Variants in MOBP observed in about 807,000 individuals in gnomAD.
The protein encoded by MOBP is myelin associated oligodendrocyte basic protein.
Under a neutral mutation model 15.0 loss-of-function variants are expected in MOBP, and 5 were observed. The ratio of observed to expected loss-of-function variants is 0.33; its 90% CI spans 0.17 to 0.70. The LOEUF is 0.70. MOBP is among the 30% of genes least tolerant of loss of function. MOBP has a pLI of 0.67. For synonymous variants in MOBP, 88 were observed against 99.0 expected (o/e 0.89, Z 0.66); for missense variants, 188 against 257.8 (o/e 0.73, Z 1.85).
intron 3 of MOBP, among the ~76,000 whole-genome samples, chr3:39,521,982 G>T (rs1187455797): frequency 6.6e-6 from 1 of 152,222 alleles, no homozygotes. Context: ...GGAGGAGGGT[G>T]GGTCTGGACT....
chr3:39,474,248 C>G lies in MOBP; in HGVS notation c.-88-5792C>G, dbSNP rs545259534. Among the ~76,000 whole-genome samples, 6 of 152,278 alleles carry G rather than the reference C, an allele frequency of 3.9e-5. No homozygotes were observed. The South Asian group carries it at 8.3e-4, about 21-fold the overall frequency. On this transcript the variant is annotated intron_variant, in intron 1 of 3. Coordinates refer to ENST00000684792, the MANE Select transcript of MOBP (RefSeq NM_001393704.1). ...TTAAATGAAACACTGACTCAAATTA[C>G]TCAAATTCCAATCACTGGCTCTTGA...
intron 2 of MOBP, among the ~76,000 whole-genome samples, chr3:39,487,575 G>T (rs1375933562): frequency 2.1e-5 from 3 of 143,186 alleles, no homozygotes; most frequent in African/African-American, 7.7e-5. Flanking sequence ...CCAGGCTGGA[G>T]TGCAGTGGTG....
intron 2 of MOBP, among the ~76,000 whole-genome samples, chr3:39,491,933 A>T (rs1449579601): frequency 6.6e-6 from 1 of 152,180 alleles, no homozygotes; most frequent in African/African-American, 2.4e-5. Flanking sequence ...TATGAGGGGC[A>T]GTGACACACT....
downstream of MOBP, among the ~76,000 whole-genome samples, chr3:39,503,637 T>C (rs1212536440): frequency 2.2e-5 from 3 of 137,142 alleles, no homozygotes; most frequent in Non-Finnish European, 4.8e-5. Flanking sequence ...CTTGCCCCAA[T>C]ACACACATGC....
chr3:39,502,974 T>G lies in MOBP; in HGVS notation c.*94T>G. Reference sequence around the variant, plus strand: ...GCTGTCTCCATGGCCCTCTTCAGCCTTATTACCCAACCTGTGTAATCAGCT... The same window carrying G: ...GCTGTCTCCATGGCCCTCTTCAGCCGTATTACCCAACCTGTGTAATCAGCT... On this transcript the variant is annotated 3_prime_UTR_variant, in exon 4 of 4. Coordinates refer to ENST00000684792, the MANE Select transcript of MOBP (RefSeq NM_001393704.1). The surrounding 1 kb of genome is among the most constrained non-coding windows in gnomAD (Gnocchi z 6.3). 1 of 629,166 alleles carries G rather than the reference T, an allele frequency of 1.6e-6. No individual in the cohort carries two copies. Among genetic ancestry groups the G allele is most frequent in the Non-Finnish European group, 2.7e-6 (1 of 365,706 alleles). The allele number at this position is 629,166 out of a possible 1,614,324, so 39.0% of individuals were successfully genotyped here. A position where few individuals can be genotyped will look rare whatever the true frequency, so the allele number is the denominator to read the frequency against.
At chr3:39,504,638 G>A (rs1209964702), downstream of MOBP, among the ~76,000 whole-genome samples, 1 of 152,236 alleles carries the variant, frequency 6.6e-6, no homozygotes, top group African/African-American at 2.4e-5. Context: ...CTTATGCACT[G>A]TCTTGAGTCC....
At chr3:39,512,839 A>G (rs2125668800) in intron 4 of MOBP, among the ~76,000 whole-genome samples, 1 of 152,306 alleles carries the variant, frequency 6.6e-6, no homozygotes, top group Admixed American at 6.5e-5. Context: ...ATCACACAAC[A>G]TTTCAGTTGG....
At chr3:39,518,743 A>G (rs951468481), downstream of MOBP, among the ~76,000 whole-genome samples, 1 of 152,232 alleles carries the variant, frequency 6.6e-6, no homozygotes, top group Non-Finnish European at 1.5e-5. Flanking sequence ...GTGGGACTCA[A>G]TAGACATTCT....
chr3:39,469,368 T>C (rs1481685560), intron 1 of MOBP, among the ~76,000 whole-genome samples: 3 of 90,866 alleles, frequency 3.3e-5, no homozygotes, highest in Non-Finnish European at 6.6e-5. Flanking sequence ...AACTAAAATT[T>C]ATTTTAATTG....
chr3:39,488,818 A>G (rs1343215602), intron 2 of MOBP, among the ~76,000 whole-genome samples: 1 of 151,958 alleles, frequency 6.6e-6, no homozygotes, highest in Non-Finnish European at 1.5e-5. Flanking sequence ...ATCCACCTCC[A>G]CTGCTGCTGC....
rs1213031511 is a variant in MOBP, at chr3:39,502,123, C to T, written c.54C>T (p.Tyr18=). 1.2e-6 allele frequency: 2 copies of T among 1,614,226 alleles called. No homozygotes were observed. The highest frequency in any genetic ancestry group is 2.2e-5 in the South Asian group (2 of 91,082). Residue 18 remains tyrosine (Y), a synonymous_variant, in exon 3 of 4, where the codon TAC becomes TAT. Coordinates refer to ENST00000684792, the MANE Select transcript of MOBP (RefSeq NM_001393704.1). This position sits in a 1 kb window ranked among gnomAD's most constrained non-coding sequence, Gnocchi z 6.3. ...EGPRLSKNQK[Y]SEHFSIHCCP... ...CCAGACTCTCCAAAAACCAGAAGTACTCCGAACACTTCAGCATACACTGCT... is the reference window on the plus strand; with the variant it reads ...CCAGACTCTCCAAAAACCAGAAGTATTCCGAACACTTCAGCATACACTGCT...
At chr3:39,479,418 C>T (rs1201470649) in intron 1 of MOBP, among the ~76,000 whole-genome samples, 2 of 147,800 alleles carry the variant, frequency 1.4e-5, no homozygotes, top group Non-Finnish European at 3.0e-5. Context: ...TCAAATAGCC[C>T]TTCTGAGATC....
At chr3:39,471,131 CTTTTT>C (rs35128158) in intron 1 of MOBP, among the ~76,000 whole-genome samples, 3 of 128,946 alleles carry the variant, frequency 2.3e-5, no homozygotes. Context: ...AAAGAAAAGT[CTTTTT>C]TTTTTTTTTT....
chr3:39,520,720 GT>G, downstream of MOBP, among the ~76,000 whole-genome samples: 1 of 152,144 alleles, frequency 6.6e-6, no homozygotes, highest in African/African-American at 2.4e-5. Flanking sequence ...CTTCAATTCC[GT>G]ATGTCTCCTT....
chr3:39,517,815 G>A (rs1032783027), downstream of MOBP: 41 of 152,220 alleles, frequency 2.7e-4, no homozygotes, highest in African/African-American at 9.4e-4. Flanking sequence ...TGAGGAAACA[G>A]TCCTGATAAT....
downstream of MOBP, among the ~76,000 whole-genome samples, chr3:39,517,469 C>T (rs967151897): frequency 1.3e-5 from 2 of 152,132 alleles, no homozygotes; most frequent in Admixed American, 6.5e-5. Context: ...AGCAGGACTC[C>T]AGGCCACACC....
chr3:39,474,916 G>T (rs545319374), intron 1 of MOBP, among the ~76,000 whole-genome samples: 1 of 152,242 alleles, frequency 6.6e-6, no homozygotes, highest in Non-Finnish European at 1.5e-5. Context: ...TTACGTAACT[G>T]TGTAGCACAA....
chr3:39,493,484 T>C (rs1306430881), intron 2 of MOBP, among the ~76,000 whole-genome samples: 1 of 152,092 alleles, frequency 6.6e-6, no homozygotes, highest in Non-Finnish European at 1.5e-5. Context: ...TGAATCCCCA[T>C]TGGAACATGG....
intron 4 of MOBP, among the ~76,000 whole-genome samples, chr3:39,512,160 T>A (rs2043128014): frequency 6.6e-6 from 1 of 152,214 alleles, no homozygotes; most frequent in South Asian, 2.1e-4. Context: ...TATAAACTGG[T>A]CATCCCCATT....
Sources: gnomAD v4.1 joint callset for allele counts (sites outside exome capture counted in the v4.1 genomes callset) on GRCh38, gnomAD v4.1.1 for gene constraint, Gnocchi (gnomAD v3.1) non-coding constraint, MANE v1.5 for transcripts, NCBI Gene and HGNC (gene_info 2026-07-23, HGNC 2026-07-21) for gene names.